The following GPR155 variants were observed in gnomAD, a reference collection of about 807,000 sequenced individuals.
GPR155 encodes the protein lysosomal cholesterol signaling protein.
Under a neutral mutation model 93.1 loss-of-function variants are expected in GPR155, and 65 were observed. The observed-to-expected ratio is 0.70, with a 90% CI of 0.57 to 0.86. The LOEUF (loss-of-function observed/expected upper bound fraction) is 0.86. Among genes scored for constraint, GPR155 ranks in the 40% least tolerant of loss-of-function variants. The pLI, the probability that GPR155 is intolerant of heterozygous loss-of-function variation, is 0.00. For synonymous variants in GPR155, 319 were observed against 360.1 expected (o/e 0.89, Z 1.29); for missense variants, 838 against 1,034.8 (o/e 0.81, Z 2.61).
chr2:174,461,720 G>A, intron 7 of GPR155, 48 bp from the exon 8 acceptor site: 2 of 1,036,196 alleles, frequency 1.9e-6, no homozygotes, highest in Non-Finnish European at 3.0e-6. Context: ...ACATTGATCA[G>A]ACTTTATGAA....
At chr2:174,447,206 G>A (rs1441133945) in intron 11 of GPR155, among the ~76,000 whole-genome samples, 5 of 150,944 alleles carry the variant, frequency 3.3e-5, no homozygotes, top group Middle Eastern at 3.4e-3. Flanking sequence ...GTGTGGTGGC[G>A]GGCACCCGTA....
intron 1 of GPR155, among the ~76,000 whole-genome samples, chr2:174,484,911 T>C (rs1164638275): frequency 1.3e-5 from 2 of 152,132 alleles, no homozygotes; most frequent in Non-Finnish European, 2.9e-5. Flanking sequence ...AGACCCTGTC[T>C]CAAACAAAGA....
At chr2:174,457,348 GAGA>G (rs900355074) in intron 10 of GPR155, among the ~76,000 whole-genome samples, 3 of 152,174 alleles carry the variant, frequency 2.0e-5, no homozygotes, top group African/African-American at 4.8e-5. Context: ...TTCAAAAGAA[GAGA>G]AGAAGAGAAG....
chr2:174,477,991 T>G (rs1233362068), intron 2 of GPR155, among the ~76,000 whole-genome samples: 1 of 152,214 alleles, frequency 6.6e-6, no homozygotes, highest in Non-Finnish European at 1.5e-5. Context: ...ATTTCCTTTC[T>G]GTTTACAGCT....
intron 14 of GPR155, among the ~76,000 whole-genome samples, 153 bp downstream of exon 14, chr2:174,441,966 T>C (rs1686978344): frequency 6.6e-6 from 1 of 152,020 alleles, no homozygotes; most frequent in Non-Finnish European, 1.5e-5. Flanking sequence ...CAGGCTGGTC[T>C]TGAACTCCTG....
intron 2 of GPR155, among the ~76,000 whole-genome samples, chr2:174,478,187 TTAAAAGTACTTTA>T (rs1420172167): frequency 6.6e-6 from 1 of 152,210 alleles, no homozygotes; most frequent in Non-Finnish European, 1.5e-5. Context: ...ACTTGGATTT[TTAAAAGTACTTTA>T]GAAAAGAATT....
chr2:174,455,309 G>A (rs1487277533), intron 10 of GPR155, among the ~76,000 whole-genome samples: 1 of 152,174 alleles, frequency 6.6e-6, no homozygotes, highest in African/African-American at 2.4e-5. Context: ...AGTGCTGGAC[G>A]GACCAAAGAA....
intron 11 of GPR155, among the ~76,000 whole-genome samples, chr2:174,450,825 T>C (rs562284840): frequency 1.7e-4 from 26 of 152,216 alleles, no homozygotes; most frequent in Non-Finnish European, 3.2e-4. Flanking sequence ...GAAAAGGCCA[T>C]GTATACCCAT....
At chr2:174,443,465 T>C (rs1687025575) in intron 13 of GPR155, among the ~76,000 whole-genome samples, 1 of 152,218 alleles carries the variant, frequency 6.6e-6, no homozygotes, top group Non-Finnish European at 1.5e-5. Flanking sequence ...CGGTGGCCCA[T>C]GCCCGTTAAT....
In GPR155 at chr2:174,472,921, G is replaced by T. The variant is rs566806981; in HGVS notation, c.860+44C>A. ...ACCCCTGATGAATTGGCTAAATACG[G>T]CTTTCAAAAAGTACAATTCTCAAGT... On this transcript the variant is annotated intron_variant, in intron 3 of 15. Coordinates refer to ENST00000392552, the MANE Select transcript of GPR155 (RefSeq NM_152529.7). 39 of 1,519,564 alleles carry T rather than the reference G, an allele frequency of 2.6e-5. No homozygotes were observed. The African/African-American group carries it at 5.1e-4, about 20-fold the overall frequency. The allele number at this position is 1,519,564 out of a possible 1,614,324, so 94.1% of individuals were successfully genotyped here. A position where few individuals can be genotyped will look rare whatever the true frequency, so the allele number is the denominator to read the frequency against.
At chr2:174,436,715 G>A (rs188090873) in intron 15 of GPR155, among the ~76,000 whole-genome samples, 2 of 152,250 alleles carry the variant, frequency 1.3e-5, no homozygotes, top group Non-Finnish European at 1.5e-5. Flanking sequence ...TTTTATAGTA[G>A]CCTGTTATCA....
chr2:174,440,782 C>T (rs919433578), intron 14 of GPR155, among the ~76,000 whole-genome samples: 9 of 152,192 alleles, frequency 5.9e-5, no homozygotes, highest in African/African-American at 2.2e-4. Flanking sequence ...CCTACCCCCA[C>T]ATTGGAGTAT....
intron 2 of GPR155, among the ~76,000 whole-genome samples, chr2:174,477,802 G>C (rs1331778813): frequency 6.6e-6 from 1 of 152,082 alleles, no homozygotes; most frequent in Non-Finnish European, 1.5e-5. Context: ...AAGGCTCTTG[G>C]AGGGCAGGGA....
In GPR155 at chr2:174,445,011, C is replaced by T. The variant is rs935344081; in HGVS notation, c.2109+70G>A. On this transcript the variant is annotated intron_variant, in intron 13 of 15. Transcript: ENST00000392552. ...CAACATCCTAATCCACTCCCCGCTT[C>T]CCCCGACCCCCTACCAATCAACCTA... 17 of 763,414 alleles carry T rather than the reference C, an allele frequency of 2.2e-5. No individual in the cohort carries two copies. In the African/African-American group the frequency reaches 2.3e-4, roughly 10 times the overall value. The allele number at this position is 763,414 out of a possible 1,614,324, so 47.3% of individuals were successfully genotyped here.
rs750069801 is a variant in GPR155 at position 174,481,820 on chromosome 2, A to G, written c.137T>C (p.Leu46Ser). ...AAGGACAATGCCAAAGCATTCCAGTAAGGCTGGAAAAAGCCTTGTAATTGA... is the reference window on the plus strand; with the variant it reads ...AAGGACAATGCCAAAGCATTCCAGTGAGGCTGGAAAAAGCCTTGTAATTGA... ...SMSITRLFPALLECFGIVLCG... is the reference protein window; with the variant it reads ...SMSITRLFPASLECFGIVLCG... Residue 46 changes from leucine (L) to serine (S), a missense_variant, in exon 2 of 16, where the codon TTA becomes TCA. Leu to Ser is a moderately radical substitution (Grantham distance 145). This residue lies in a region of GPR155 where 663 missense variants were observed against 790.1 expected (regional missense o/e 0.84). Transcript: ENST00000392552. 1.2e-6 allele frequency: 2 copies of G among 1,614,200 alleles called. No homozygotes were observed. Among genetic ancestry groups the G allele is most frequent in the Non-Finnish European group, 1.7e-6 (2 of 1,180,008 alleles).
At chr2:174,444,261 C>A (rs377643914) in intron 13 of GPR155, among the ~76,000 whole-genome samples, 2 of 151,494 alleles carry the variant, frequency 1.3e-5, no homozygotes, top group East Asian at 3.9e-4. Context: ...ACTAAAAATA[C>A]AAAATTAGCC....
In GPR155 at chr2:174,465,906, A is replaced by G. The variant is rs1239529398; in HGVS notation, c.1267-4T>C. On this transcript the variant is annotated splice_region_variant and splice_polypyrimidine_tract_variant and intron_variant, in intron 6 of 15. Coordinates refer to ENST00000392552, the MANE Select transcript of GPR155 (RefSeq NM_152529.7). ...TCATTCCAGCACAGACAATAGACTA[A>G]GGAAAAAATTATTAAAAGACTTTGT... 7.4e-7 allele frequency: 1 copy of G among 1,356,586 alleles called. No homozygotes were observed. The highest frequency in any genetic ancestry group is 2.3e-5 in the East Asian group (1 of 43,678). The allele number at this position is 1,356,586 out of a possible 1,614,324, so 84.0% of individuals were successfully genotyped here. A position where few individuals can be genotyped will look rare whatever the true frequency, so the allele number is the denominator to read the frequency against.
intron 10 of GPR155, among the ~76,000 whole-genome samples, chr2:174,455,849 A>AT (rs1013384937): frequency 6.7e-5 from 10 of 150,012 alleles, no homozygotes; most frequent in African/African-American, 1.7e-4. Context: ...ATAATTTTTT[A>AT]TTTTTTTTTT....
chr2:174,479,962 T>C (rs1053557798), intron 2 of GPR155, among the ~76,000 whole-genome samples: 4 of 152,214 alleles, frequency 2.6e-5, no homozygotes, highest in African/African-American at 4.8e-5. Context: ...ATTTAACTTC[T>C]TAGGTGTTTC....
Sources: allele counts gnomAD v4.1 joint callset (sites outside exome capture counted in the v4.1 genomes callset), GRCh38; gene constraint gnomAD v4.1.1; regional missense constraint gnomAD v4.1.1; transcripts MANE v1.5; gene names NCBI Gene and HGNC (gene_info 2026-07-23, HGNC 2026-07-21).